NIBAN1: variants seen among roughly 807,000 people sequenced by gnomAD.
NIBAN1 encodes the protein protein Niban 1.
Under a neutral mutation model 75.1 loss-of-function variants are expected in NIBAN1, and 81 were observed. The observed-to-expected ratio is 1.08, with a 90% confidence interval of 0.90 to 1.30. The LOEUF (loss-of-function observed/expected upper bound fraction) is 1.30, where lower values mean the gene tolerates loss of function less well. Among genes scored for constraint, NIBAN1 ranks in the 50% most tolerant of loss-of-function variants. The pLI is 0.00. For missense variants in NIBAN1, 1,133 were observed against 1,128.1 expected (o/e 1.00, Z -0.06); for synonymous variants, 436 against 424.8 (o/e 1.03, Z -0.32).
In NIBAN1 at chr1:184,835,238, T is replaced by C. The variant is rs532142854; in HGVS notation, c.602-3276A>G. On this transcript the variant is annotated intron_variant, in intron 5 of 13. Coordinates refer to ENST00000367511, the MANE Select transcript of NIBAN1 (RefSeq NM_052966.4). ...GGTACCAGTACCATGCTGTTTTGAT[T>C]ACTGTACCCTTGTAGTATAGTTTGA... 7.9e-5 allele frequency among the ~76,000 whole-genome samples: 12 copies of C among 152,358 alleles called. No homozygotes were observed. The South Asian group carries it at 1.2e-3, about 16-fold the overall frequency.
rs548705322 is a variant in NIBAN1 at position 184,942,813 on chromosome 1, C to T, written c.55+31489G>A. Among the ~76,000 whole-genome samples the T allele has an allele frequency of 3.3e-5, 5 of 152,248 alleles. No homozygotes were observed. The East Asian group carries it at 7.7e-4, about 24-fold the overall frequency. ...GCTGGTAGGAGCAGTCTCACACTCA[C>T]CTTGTAACTCTGCACTGACAACGCA... is the stretch of plus-strand genomic sequence containing the variant. On this transcript the variant is annotated intron_variant, in intron 1 of 13. Coordinates refer to ENST00000367511, the MANE Select transcript of NIBAN1 (RefSeq NM_052966.4).
chr1:184,933,953 G>A (rs1657888916), intron 1 of NIBAN1, among the ~76,000 whole-genome samples: 1 of 152,222 alleles, frequency 6.6e-6, no homozygotes, highest in African/African-American at 2.4e-5. Context: ...GTGTGAAGCA[G>A]GAACATACCG....
intron 5 of NIBAN1, among the ~76,000 whole-genome samples, chr1:184,883,059 A>T (rs1656417694): frequency 6.6e-6 from 1 of 152,218 alleles, no homozygotes; most frequent in South Asian, 2.1e-4. Context: ...GCTAAAACCA[A>T]GAGTTAGTTG....
chr1:184,930,491 A>G (rs926590923), intron 1 of NIBAN1, among the ~76,000 whole-genome samples: 1 of 152,214 alleles, frequency 6.6e-6, no homozygotes, highest in African/African-American at 2.4e-5. Context: ...GTTCAAAGTG[A>G]TAAGAAGGAA....
At position 184,974,466 on chromosome 1, in the gene NIBAN1, C is replaced by T. The variant is rs1467693164; in HGVS notation, c.-110G>A. On this transcript the variant is annotated 5_prime_UTR_variant, in exon 1 of 14. Coordinates refer to ENST00000367511, the MANE Select transcript of NIBAN1 (RefSeq NM_052966.4). ...CGGCTCTGAAATTAAGAGCAAACTT[C>T]CTTCGAGAGGCGAGAGACAGGAGGC... 84 of 1,393,140 alleles carry T rather than the reference C, an allele frequency of 6.0e-5. No homozygotes were observed. The highest frequency in any genetic ancestry group is 7.7e-5 in the Non-Finnish European group (80 of 1,036,994). 86.3% of individuals were successfully genotyped at this position (1,393,140 alleles called of 1,614,324 possible).
At chr1:184,963,113 A>C (rs555993658) in intron 1 of NIBAN1, among the ~76,000 whole-genome samples, 1 of 152,220 alleles carries the variant, frequency 6.6e-6, no homozygotes, top group South Asian at 2.1e-4. Flanking sequence ...GAAAAATAAA[A>C]ATTTTTTAAA....
At chr1:184,906,262 T>C (rs1419071657) in intron 1 of NIBAN1, among the ~76,000 whole-genome samples, 2 of 131,198 alleles carry the variant, frequency 1.5e-5, no homozygotes, top group Non-Finnish European at 3.3e-5. Flanking sequence ...TGTCTCAAAA[T>C]AAATGAACAC....
intron 1 of NIBAN1, among the ~76,000 whole-genome samples, chr1:184,917,681 T>C (rs963717223): frequency 6.6e-6 from 1 of 152,060 alleles, no homozygotes; most frequent in Non-Finnish European, 1.5e-5. Flanking sequence ...ACTTTCCTCC[T>C]CCTGTCCACC....
intron 8 of NIBAN1, chr1:184,821,583 A>T (rs569766760): frequency 1.2e-4 from 18 of 152,310 alleles, no homozygotes; most frequent in Non-Finnish European, 2.2e-4. Flanking sequence ...TTTCCATCAT[A>T]TGTGGATACA....
At chr1:184,824,140 A>G (rs77454357) in intron 6 of NIBAN1, among the ~76,000 whole-genome samples, 3,863 of 152,286 alleles carry the variant, frequency 0.025, 127 homozygotes, top group African/African-American at 0.078. Flanking sequence ...GGTGGCTTGC[A>G]TCTTAGTCTG....
chr1:184,798,810 A>G (rs1653949868), intron 12 of NIBAN1, among the ~76,000 whole-genome samples: 1 of 151,888 alleles, frequency 6.6e-6, no homozygotes. Flanking sequence ...TTTTATACCT[A>G]TCATGATAGT....
intron 2 of NIBAN1, 131 bp downstream of exon 2, chr1:184,899,048 T>C: frequency 1.0e-6 from 1 of 1,004,412 alleles, no homozygotes; most frequent in Middle Eastern, 2.6e-4. Flanking sequence ...TAGAGTTTTT[T>C]GAGCATGAAA....
chr1:184,803,281 C>T (rs1416520655), intron 12 of NIBAN1, among the ~76,000 whole-genome samples: 2 of 152,212 alleles, frequency 1.3e-5, no homozygotes, highest in Admixed American at 1.3e-4. Context: ...ATTCAGATCA[C>T]TGCCCTTTGA....
chr1:184,956,730 A>C (rs188143762), intron 1 of NIBAN1, among the ~76,000 whole-genome samples: 76 of 152,280 alleles, frequency 5.0e-4, no homozygotes, highest in African/African-American at 1.8e-3. Context: ...TTTTCATTTA[A>C]AAATGTTACT....
chr1:184,879,950 A>G (rs1231567667), intron 5 of NIBAN1, among the ~76,000 whole-genome samples: 1 of 152,128 alleles, frequency 6.6e-6, no homozygotes, highest in East Asian at 1.9e-4. Flanking sequence ...CCAAAATTCT[A>G]TGGGCTTTTC....
chr1:184,831,136 C>G (rs1208372577), intron 6 of NIBAN1, among the ~76,000 whole-genome samples: 1 of 152,100 alleles, frequency 6.6e-6, no homozygotes, highest in Non-Finnish European at 1.5e-5. Flanking sequence ...AAGCAGTTTC[C>G]TTAGATTTAT....
At chr1:184,845,541 G>T (rs1218058729) in intron 5 of NIBAN1, among the ~76,000 whole-genome samples, 1 of 152,184 alleles carries the variant, frequency 6.6e-6, no homozygotes, top group East Asian at 1.9e-4. Flanking sequence ...AGGATTGCTT[G>T]AGGCCAGGAG....
chr1:184,889,804 CT>C (rs1656618523), intron 4 of NIBAN1, among the ~76,000 whole-genome samples: 1 of 152,214 alleles, frequency 6.6e-6, no homozygotes, highest in Non-Finnish European at 1.5e-5. Flanking sequence ...ACATCTTCCA[CT>C]TGTCTATGGG....
intron 5 of NIBAN1, among the ~76,000 whole-genome samples, chr1:184,869,609 C>T (rs1028135192): frequency 1.1e-3 from 166 of 151,688 alleles, no homozygotes; most frequent in Non-Finnish European, 1.3e-3. Flanking sequence ...GTGGCTCCAT[C>T]TCGGCTCACT....
Sources: allele counts gnomAD v4.1 joint callset (sites outside exome capture counted in the v4.1 genomes callset), GRCh38; gene constraint gnomAD v4.1.1; transcripts MANE v1.5; gene names NCBI Gene and HGNC (gene_info 2026-07-23, HGNC 2026-07-21).